PCDHA11: variants seen among roughly 807,000 people sequenced by gnomAD.
PCDHA11 encodes protocadherin alpha-11.
PCDHA11 carries 61 observed loss-of-function variants against 70.3 expected under a neutral mutation model. That is an observed-to-expected ratio of 0.87 (90% CI 0.71 to 1.07). The LOEUF is 1.07. Among genes scored for constraint, PCDHA11 ranks in the 50% least tolerant of loss-of-function variants. The probability of loss-of-function intolerance (pLI) is 0.00; values close to 1 mark genes in which losing one functional copy is unlikely to be tolerated. For synonymous variants in PCDHA11, 633 were observed against 555.1 expected (o/e 1.14, Z -1.97); for missense variants, 1,324 against 1,237.5 (o/e 1.07, Z -1.05).
At chr5:140,977,379 C>T (rs921133722) in intron 1 of PCDHA11, among the ~76,000 whole-genome samples, 4 of 152,134 alleles carry the variant, frequency 2.6e-5, no homozygotes, top group African/African-American at 2.4e-5. Flanking sequence ...AGTCATATTT[C>T]CAGGTTTATA....
chr5:141,004,350 G>A (rs2098163029), intron 3 of PCDHA11, among the ~76,000 whole-genome samples: 1 of 152,192 alleles, frequency 6.6e-6, no homozygotes, highest in South Asian at 2.1e-4. Context: ...GTGAGGGACT[G>A]GAGAGACCAC....
chr5:140,986,950 A>G (rs1161887732), intron 3 of PCDHA11, among the ~76,000 whole-genome samples: 1 of 152,282 alleles, frequency 6.6e-6, no homozygotes, highest in East Asian at 1.9e-4. Context: ...GTGGTCGCTC[A>G]TGCCTGTAAT....
chr5:140,918,621 T>C (rs1162983414), intron 1 of PCDHA11, among the ~76,000 whole-genome samples: 1 of 152,228 alleles, frequency 6.6e-6, no homozygotes, highest in Non-Finnish European at 1.5e-5. Flanking sequence ...AATGTTTGTG[T>C]TCCCCAAATT....
At chr5:140,978,903 C>T in intron 1 of PCDHA11, 46 bp from the exon 2 acceptor site, 4 of 1,613,202 alleles carry the variant, frequency 2.5e-6, no homozygotes, top group Middle Eastern at 1.7e-4. Flanking sequence ...CCTGGGAGAA[C>T]ATTGTCTTGT....
At chr5:140,976,832 A>G (rs246001) in intron 1 of PCDHA11, among the ~76,000 whole-genome samples, 14,161 of 152,268 alleles carry the variant, frequency 0.093, 806 homozygotes, top group Middle Eastern at 0.22. Context: ...AATGAGCAAA[A>G]CAGATATAAT....
intron 1 of PCDHA11, chr5:140,967,059 C>A (rs2153750398): frequency 6.2e-7 from 1 of 1,612,750 alleles, no homozygotes; most frequent in Non-Finnish European, 8.5e-7. Context: ...ACGAGTGGAG[C>A]GCTCTTCGTC....
intron 1 of PCDHA11, among the ~76,000 whole-genome samples, chr5:140,914,220 C>A (rs1210445622): frequency 6.6e-6 from 1 of 152,212 alleles, no homozygotes; most frequent in South Asian, 2.1e-4. Flanking sequence ...TCTCTTTTAG[C>A]TCTAATACTA....
intron 1 of PCDHA11, among the ~76,000 whole-genome samples, chr5:140,947,169 G>GTA (rs1235035694): frequency 1.3e-5 from 2 of 150,968 alleles, no homozygotes; most frequent in Non-Finnish European, 3.0e-5. Context: ...AGAAAATGTG[G>GTA]TATATATTCA....
intron 1 of PCDHA11, among the ~76,000 whole-genome samples, chr5:140,892,451 C>A (rs782296222): frequency 1.2e-4 from 19 of 152,128 alleles, no homozygotes; most frequent in Non-Finnish European, 2.5e-4. Flanking sequence ...TACATGTATT[C>A]TTTAAGTACG....
chr5:140,869,522 T>A lies in PCDHA11; in HGVS notation c.419T>A (p.Leu140Gln). The change falls in exon 1 of 4, where the codon CTG becomes CAG. Residue 140 changes from leucine to glutamine, a missense_variant. Coordinates refer to ENST00000398640, the MANE Select transcript of PCDHA11 (RefSeq NM_018902.5). ...PPVFSLREQK[L>Q]LIAESKQSDS... Reference sequence around the variant, plus strand: ...GTGTTCTCGCTCAGAGAACAAAAGCTGCTGATTGCGGAATCTAAGCAATCG... The same window carrying A: ...GTGTTCTCGCTCAGAGAACAAAAGCAGCTGATTGCGGAATCTAAGCAATCG... 1 of 1,614,172 alleles carries A rather than the reference T, an allele frequency of 6.2e-7. No homozygotes were observed. Among genetic ancestry groups the A allele is most frequent in the Non-Finnish European group, 8.5e-7 (1 of 1,180,028 alleles).
rs1316555766 is a variant in PCDHA11, at chr5:141,011,101, T to C, written c.*1164T>C. 1.3e-5 allele frequency: 2 copies of C among 153,710 alleles called. No homozygotes were observed. The highest frequency in any genetic ancestry group is 2.9e-5 in the Non-Finnish European group (2 of 68,016). The allele number at this position is 153,710 out of a possible 1,614,324, so 9.5% of individuals were successfully genotyped here. A position where few individuals can be genotyped will look rare whatever the true frequency, so the allele number is the denominator to read the frequency against. On this transcript the variant is annotated 3_prime_UTR_variant, in exon 4 of 4. Coordinates refer to ENST00000398640, the MANE Select transcript of PCDHA11 (RefSeq NM_018902.5). ...AATGATCTCTCTTTCTCTCTCTCTC[T>C]CTCTTTTCTAAGAAACAATTATGTG...
chr5:140,887,197 C>T (rs1348316837), intron 1 of PCDHA11, among the ~76,000 whole-genome samples: 1 of 151,678 alleles, frequency 6.6e-6, no homozygotes, highest in Non-Finnish European at 1.5e-5. Flanking sequence ...CCCGGGTTCA[C>T]GCCATTCTCC....
intron 3 of PCDHA11, among the ~76,000 whole-genome samples, chr5:140,999,252 T>C (rs1474093411): frequency 1.3e-5 from 2 of 152,204 alleles, no homozygotes; most frequent in African/African-American, 4.8e-5. Flanking sequence ...GGGAGTTGGA[T>C]TAGTAAAGGA....
At chr5:140,946,506 A>G (rs1231345135) in intron 1 of PCDHA11, among the ~76,000 whole-genome samples, 1 of 151,616 alleles carries the variant, frequency 6.6e-6, no homozygotes, top group Non-Finnish European at 1.5e-5. Context: ...CAGTATGTCA[A>G]AGACCTATCC....
At chr5:140,895,863 G>A (rs1450764434) in intron 1 of PCDHA11, among the ~76,000 whole-genome samples, 3 of 152,162 alleles carry the variant, frequency 2.0e-5, no homozygotes, top group African/African-American at 7.2e-5. Flanking sequence ...CCAGGCTGGA[G>A]TGCAATGGCG....
At chr5:140,926,549 C>A in intron 1 of PCDHA11, 1 of 231,836 alleles carries the variant, frequency 4.3e-6, no homozygotes, top group Non-Finnish European at 8.2e-6. Flanking sequence ...GTGGTCGAGA[C>A]CCCAGCCCGC....
At chr5:140,975,363 G>T (rs1348174294) in intron 1 of PCDHA11, among the ~76,000 whole-genome samples, 3 of 152,220 alleles carry the variant, frequency 2.0e-5, no homozygotes, top group Non-Finnish European at 2.9e-5. Context: ...GTGCTACATA[G>T]CATAATGTAA....
At chr5:140,985,945 T>C (rs1432402407) in intron 3 of PCDHA11, among the ~76,000 whole-genome samples, 1 of 152,080 alleles carries the variant, frequency 6.6e-6, no homozygotes, top group Non-Finnish European at 1.5e-5. Flanking sequence ...TTCACTGTGT[T>C]AGCCAGGATG....
intron 1 of PCDHA11, among the ~76,000 whole-genome samples, chr5:140,902,203 C>CTTTTTTTTTT (rs148688132): frequency 8.0e-6 from 1 of 124,460 alleles, no homozygotes; most frequent in Non-Finnish European, 1.7e-5. Flanking sequence ...CTCTCTCTTT[C>CTTTTTTTTTT]TTTTTTTTTT....
Sources: gnomAD v4.1 joint callset for allele counts (sites outside exome capture counted in the v4.1 genomes callset) on GRCh38, gnomAD v4.1.1 for gene constraint, MANE v1.5 for transcripts, NCBI Gene and HGNC (gene_info 2026-07-23, HGNC 2026-07-21) for gene names.